Variants in ARL6IP5 observed in about 807,000 individuals in gnomAD.
ARL6IP5 encodes the protein PRA1 family protein 3.
A neutral mutation model predicts 13.0 loss-of-function variants in ARL6IP5; 6 were observed. The observed-to-expected ratio is 0.46, with a 90% CI of 0.25 to 0.91. The LOEUF is 0.91. Ranked by LOEUF, ARL6IP5 falls within the 40% of genes least tolerant of loss-of-function variation. The probability of loss-of-function intolerance (pLI) is 0.17; values close to 1 mark genes in which losing one functional copy is unlikely to be tolerated. For missense variants in ARL6IP5, 208 were observed against 248.8 expected (o/e 0.84, Z 1.10); for synonymous variants, 91 against 91.9 (o/e 0.99, Z 0.06).
chr3:69,087,784 C>CA (rs78701015), intron 1 of ARL6IP5, among the ~76,000 whole-genome samples: 18,011 of 152,150 alleles, frequency 0.12, 1,249 homozygotes, highest in East Asian at 0.27. Context: ...TAAAAACTTA[C>CA]AAAAGATACA....
In ARL6IP5 at chr3:69,104,825, A is replaced by G. The variant is rs1299629942; in HGVS notation, c.*189A>G. 18 of 730,630 alleles carry G rather than the reference A, an allele frequency of 2.5e-5. No individual in the cohort carries two copies. The highest frequency in any genetic ancestry group is 4.1e-5 in the Non-Finnish European group (17 of 411,266). The allele number at this position is 730,630 out of a possible 1,614,324, so 45.3% of individuals were successfully genotyped here. A position where few individuals can be genotyped will look rare whatever the true frequency, so the allele number is the denominator to read the frequency against. ...CAGAGAGAAGACCTCAGAAACCGAA[A>G]GAAAACCACCACCCTCCTATTGTGT... On this transcript the variant is annotated 3_prime_UTR_variant, in exon 3 of 3. Coordinates refer to ENST00000273258, the MANE Select transcript of ARL6IP5 (RefSeq NM_006407.4).
chr3:69,086,618 T>C (rs1340078142), intron 1 of ARL6IP5, among the ~76,000 whole-genome samples: 1 of 152,168 alleles, frequency 6.6e-6, no homozygotes, highest in Non-Finnish European at 1.5e-5. Context: ...AGGTACAAGT[T>C]AGTCAGGGCA....
chr3:69,090,495 C>A (rs745525903), intron 1 of ARL6IP5, among the ~76,000 whole-genome samples: 6 of 152,350 alleles, frequency 3.9e-5, no homozygotes, highest in Middle Eastern at 3.4e-3. Context: ...CAGAAATACA[C>A]ACCTACATAA....
In ARL6IP5 at chr3:69,102,094, A is replaced by T. The variant is rs1383799677; in HGVS notation, c.394+38A>T. ...GAGTTTTTTCTTCCATCATCAAAAA[A>T]ATGTAGAAGCAATTATCCAACGGGA... On this transcript the variant is annotated intron_variant, in intron 2 of 2. Transcript: ENST00000273258. 8 of 1,588,140 alleles carry T rather than the reference A, an allele frequency of 5.0e-6. 1 individual carries two copies. In the South Asian group the frequency reaches 8.8e-5, roughly 18 times the overall value.
At chr3:69,099,255 C>T (rs1311266608) in intron 1 of ARL6IP5, among the ~76,000 whole-genome samples, 1 of 151,880 alleles carries the variant, frequency 6.6e-6, no homozygotes, top group Non-Finnish European at 1.5e-5. Flanking sequence ...CCTGTAATCC[C>T]AGCTAGTAGG....
In ARL6IP5 at chr3:69,105,130, C is replaced by G. The variant is rs895840571; in HGVS notation, c.*494C>G. 4.1e-5 allele frequency: 18 copies of G among 436,792 alleles called. No individual in the cohort carries two copies. Among genetic ancestry groups the G allele is most frequent in the Non-Finnish European group, 6.9e-5 (17 of 246,166 alleles). 27.1% of individuals were successfully genotyped at this position (436,792 alleles called of 1,614,324 possible). A position where few individuals can be genotyped will look rare whatever the true frequency, so the allele number is the denominator to read the frequency against. ...TTCTCTTAAAAATCAAAGATGATCT[C>G]TATCACTTTGCCACCTGTTTGATGT... On this transcript the variant is annotated 3_prime_UTR_variant, in exon 3 of 3. Coordinates refer to ENST00000273258, the MANE Select transcript of ARL6IP5 (RefSeq NM_006407.4).
chr3:69,085,466 A>T (rs2092244775), intron 1 of ARL6IP5, among the ~76,000 whole-genome samples: 1 of 152,204 alleles, frequency 6.6e-6, no homozygotes, highest in Admixed American at 6.5e-5. Flanking sequence ...GACGGGGAAA[A>T]TTTGCCAGCC....
intron 2 of ARL6IP5, 85 bp from the exon 3 acceptor site, chr3:69,104,379 A>G: frequency 7.3e-7 from 1 of 1,372,138 alleles, no homozygotes; most frequent in Non-Finnish European, 1.0e-6. Context: ...GCAGTTTACT[A>G]ATAGTGTGAA....
At chr3:69,102,659 A>T (rs1164477899) in intron 2 of ARL6IP5, among the ~76,000 whole-genome samples, 1 of 152,154 alleles carries the variant, frequency 6.6e-6, no homozygotes, top group Non-Finnish European at 1.5e-5. Context: ...TAGACTCCAG[A>T]TTTGTCTAAT....
chr3:69,095,735 T>TC (rs2092284984), intron 1 of ARL6IP5, among the ~76,000 whole-genome samples: 1 of 152,174 alleles, frequency 6.6e-6, no homozygotes, highest in South Asian at 2.1e-4. Flanking sequence ...CTTCAGCTGA[T>TC]CCACCCACCT....
In ARL6IP5 at chr3:69,105,932, A is replaced by C. The variant is rs2092320867; in HGVS notation, c.*1296A>C. On this transcript the variant is annotated 3_prime_UTR_variant, in exon 3 of 3. Transcript: ENST00000273258. ...AAGAAGCAATGATGTGCTGCTTCTGATTTTTCTTGCATTTTAAATTCTCAG... is the reference window on the plus strand; with the variant it reads ...AAGAAGCAATGATGTGCTGCTTCTGCTTTTTCTTGCATTTTAAATTCTCAG... The C allele has an allele frequency of 6.6e-6, 1 of 152,072 alleles. No homozygotes were observed. The highest frequency in any genetic ancestry group is 1.5e-5 in the Non-Finnish European group (1 of 68,018). The allele number at this position is 152,072 out of a possible 1,614,324, so 9.4% of individuals were successfully genotyped here.
chr3:69,104,003 G>A (rs886118216), intron 2 of ARL6IP5, among the ~76,000 whole-genome samples: 2 of 152,088 alleles, frequency 1.3e-5, no homozygotes, highest in East Asian at 1.9e-4. Context: ...TAAAGCCTCC[G>A]GGAGGCACTT....
chr3:69,095,651 C>T (rs1048628592), intron 1 of ARL6IP5, among the ~76,000 whole-genome samples: 1 of 152,062 alleles, frequency 6.6e-6, no homozygotes, highest in African/African-American at 2.4e-5. Flanking sequence ...TGCGCCACCA[C>T]GCCCAGCTAA....
Position 69,099,031 on chromosome 3 carries a change from AT to A in ARL6IP5, c.177-2806del, listed in dbSNP as rs375474628. Among the ~76,000 whole-genome samples the A allele has an allele frequency of 1.4e-4, 21 of 151,188 alleles. No homozygotes were observed. In the East Asian group the frequency reaches 3.9e-3, roughly 28 times the overall value. On this transcript the variant is annotated intron_variant, in intron 1 of 2. Coordinates refer to ENST00000273258, the MANE Select transcript of ARL6IP5 (RefSeq NM_006407.4). ...AGTATTTGCAAGGATTTTGAATGAA[AT>A]TAGCAACTTATTATTGTAGAGTTTA...
Position 69,085,153 on chromosome 3 carries a change from G to T in ARL6IP5, c.106G>T (p.Val36Leu). 3 of 1,614,222 alleles carry T rather than the reference G, an allele frequency of 1.9e-6. No homozygotes were observed. The highest frequency in any genetic ancestry group is 1.1e-5 in the South Asian group (1 of 91,092). ...FRDISKWNNRVVSNLLYYQTN... is the reference protein window; with the variant it reads ...FRDISKWNNRLVSNLLYYQTN... ...GGACATTTCCAAATGGAACAACCGC[G>T]TAGTGAGCAACCTGCTCTATTACCA... is the stretch of plus-strand genomic sequence containing the variant. Residue 36 changes from valine to leucine, a missense_variant, in exon 1 of 3, where the codon GTA becomes TTA. Physicochemically the swap from Val to Leu is conservative, Grantham distance 32. Transcript: ENST00000273258.
rs1002926547 is a variant in ARL6IP5 at position 69,105,619 on chromosome 3, T to C, written c.*983T>C. 1.3e-5 allele frequency: 2 copies of C among 152,236 alleles called. No individual in the cohort carries two copies. The highest frequency in any genetic ancestry group is 4.8e-5 in the African/African-American group (2 of 41,462). The allele number at this position is 152,236 out of a possible 1,614,324, so 9.4% of individuals were successfully genotyped here. A position where few individuals can be genotyped will look rare whatever the true frequency, so the allele number is the denominator to read the frequency against. On this transcript the variant is annotated 3_prime_UTR_variant, in exon 3 of 3. Transcript: ENST00000273258. ...CAAGCAAAAAGACTTTAAAAAATGG[T>C]AATGAAAATGGAATGCAGCTACTGC...
rs904540582 is a variant in ARL6IP5 at position 69,104,642 on chromosome 3, A to G, written c.*6A>G. 2 of 1,612,204 alleles carry G rather than the reference A, an allele frequency of 1.2e-6. No individual in the cohort carries two copies. ...TCAGCAAAGTGAAGGAATAAACATA[A>G]CTTACCTGAGCTAGGGTTGCAGCAG... On this transcript the variant is annotated 3_prime_UTR_variant, in exon 3 of 3. Transcript: ENST00000273258.
intron 1 of ARL6IP5, among the ~76,000 whole-genome samples, chr3:69,092,159 C>G (rs12632068): frequency 0.015 from 2,218 of 152,306 alleles, 28 homozygotes; most frequent in East Asian, 0.06. Context: ...CTAACAACTT[C>G]AGGTTTGCAA....
At chr3:69,088,877 C>G (rs2092256339) in intron 1 of ARL6IP5, among the ~76,000 whole-genome samples, 1 of 152,226 alleles carries the variant, frequency 6.6e-6, no homozygotes, top group South Asian at 2.1e-4. Flanking sequence ...AAAGGCAACA[C>G]CTAATGACAC....
Sources: allele counts gnomAD v4.1 joint callset (sites outside exome capture counted in the v4.1 genomes callset), GRCh38; gene constraint gnomAD v4.1.1; transcripts MANE v1.5; gene names NCBI Gene and HGNC (gene_info 2026-07-23, HGNC 2026-07-21).